MKLN1: variants seen among roughly 807,000 people sequenced by gnomAD.
The protein encoded by MKLN1 is muskelin.
In MKLN1, 18 loss-of-function variants were observed where a neutral mutation model predicts 99.0. The observed-to-expected ratio is 0.18, with a 90% CI of 0.13 to 0.27. The LOEUF is 0.27. MKLN1 is among the 10% of genes least tolerant of loss of function. The probability of loss-of-function intolerance (pLI) is 1.00; values close to 1 mark genes in which losing one functional copy is unlikely to be tolerated. For missense variants in MKLN1, 621 were observed against 875.9 expected, an observed-to-expected ratio of 0.71 and a Z score of 3.67; for synonymous variants, 288 against 293.2, an observed-to-expected ratio of 0.98 and a Z score of 0.18.
chr7:131,126,244 A>C (rs1261755540), intron 1 of MKLN1, among the ~76,000 whole-genome samples: 2 of 152,086 alleles, frequency 1.3e-5, no homozygotes, highest in Non-Finnish European at 2.9e-5. Flanking sequence ...CAGAAGGGCT[A>C]ATGACCAGAG....
chr7:131,157,314 C>A (rs1231569739), intron 2 of MKLN1, among the ~76,000 whole-genome samples: 2 of 152,190 alleles, frequency 1.3e-5, no homozygotes, highest in Non-Finnish European at 2.9e-5. Context: ...GGGAGGATCA[C>A]CTGAACCCAG....
chr7:131,356,031 G>C (rs1799867625), intron 1 of MKLN1, among the ~76,000 whole-genome samples: 1 of 149,392 alleles, frequency 6.7e-6, no homozygotes, highest in Non-Finnish European at 1.5e-5. Flanking sequence ...GTAATACAGA[G>C]AGTTTGTATA....
intron 12 of MKLN1, among the ~76,000 whole-genome samples, chr7:131,452,675 C>T (rs1424563165): frequency 4.6e-5 from 7 of 151,650 alleles, no homozygotes; most frequent in South Asian, 2.1e-4. Flanking sequence ...CTCAGCCTCC[C>T]GAATAGCTGG....
chr7:131,254,771 G>T (rs1797633620), intron 3 of MKLN1, among the ~76,000 whole-genome samples: 1 of 151,804 alleles, frequency 6.6e-6, no homozygotes, highest in Non-Finnish European at 1.5e-5. Context: ...AAAGAACGAA[G>T]AAATATGAAC....
chr7:131,140,506 A>G (rs1033044198), intron 1 of MKLN1, among the ~76,000 whole-genome samples: 7 of 152,042 alleles, frequency 4.6e-5, no homozygotes, highest in African/African-American at 1.4e-4. Flanking sequence ...TTCTCGCTCT[A>G]TTAGTTCACA....
intron 1 of MKLN1, among the ~76,000 whole-genome samples, chr7:131,335,733 T>G (rs567453966): frequency 6.6e-5 from 10 of 151,872 alleles, no homozygotes; most frequent in Middle Eastern, 3.4e-3. Context: ...GCTTACTTTT[T>G]GAACGTTTGG....
chr7:131,121,447 G>A (rs1285538292), intron 1 of MKLN1, among the ~76,000 whole-genome samples: 1 of 151,684 alleles, frequency 6.6e-6, no homozygotes, highest in Admixed American at 6.6e-5. Flanking sequence ...CTCCATCCTG[G>A]TGAACACGGT....
At chr7:131,148,569 G>T (rs1795846489) in intron 2 of MKLN1, among the ~76,000 whole-genome samples, 1 of 152,072 alleles carries the variant, frequency 6.6e-6, no homozygotes, top group Admixed American at 6.6e-5. Flanking sequence ...GAGCCCAGGG[G>T]TTTGAGACCA....
chr7:131,427,486 T>G (rs552951103), intron 8 of MKLN1, among the ~76,000 whole-genome samples: 1 of 152,312 alleles, frequency 6.6e-6, no homozygotes, highest in Non-Finnish European at 1.5e-5. Flanking sequence ...ATTGGTGGGC[T>G]TATACAACTG....
chr7:131,433,158 T>G (rs58271655), intron 9 of MKLN1, among the ~76,000 whole-genome samples: 1 of 152,292 alleles, frequency 6.6e-6, no homozygotes, highest in East Asian at 1.9e-4. Context: ...TTAGTCATCT[T>G]TAGTCTAGAA....
intron 3 of MKLN1, among the ~76,000 whole-genome samples, chr7:131,244,723 T>A (rs557143152): frequency 1.3e-5 from 2 of 152,258 alleles, no homozygotes; most frequent in African/African-American, 2.4e-5. Context: ...TCAAAAGGAC[T>A]TTGGTGGCCA....
At chr7:131,194,502 T>C (rs964075297) in intron 2 of MKLN1, among the ~76,000 whole-genome samples, 3 of 152,236 alleles carry the variant, frequency 2.0e-5, no homozygotes, top group South Asian at 2.1e-4. Context: ...CATTATTAGA[T>C]AGACAAGAAA....
intron 1 of MKLN1, among the ~76,000 whole-genome samples, chr7:131,111,846 T>C (rs572805511): frequency 1.4e-4 from 22 of 152,332 alleles, no homozygotes; most frequent in East Asian, 9.6e-4. Flanking sequence ...AGGCATAAAA[T>C]TGAATGGAAT....
At chr7:131,479,946 A>T (rs1365719596) in intron 17 of MKLN1, among the ~76,000 whole-genome samples, 1 of 149,488 alleles carries the variant, frequency 6.7e-6, no homozygotes, top group Non-Finnish European at 1.5e-5. Context: ...GCTTGAACCC[A>T]GGAGGGGGAG....
intron 3 of MKLN1, among the ~76,000 whole-genome samples, chr7:131,233,974 TTTTTA>T (rs571472514): frequency 2.6e-5 from 4 of 152,282 alleles, no homozygotes; most frequent in Admixed American, 1.3e-4. Flanking sequence ...TTTCCTTTTC[TTTTTA>T]TTTTATTTTA....
chr7:131,407,508 T>C (rs1432287208), intron 6 of MKLN1, among the ~76,000 whole-genome samples: 2 of 151,974 alleles, frequency 1.3e-5, no homozygotes, highest in Non-Finnish European at 2.9e-5. Context: ...GTGGTGAATT[T>C]TTCCTATTTT....
chr7:131,393,344 T>C (rs1318328531), intron 4 of MKLN1, among the ~76,000 whole-genome samples: 1 of 152,250 alleles, frequency 6.6e-6, no homozygotes, highest in African/African-American at 2.4e-5. Context: ...TTAGTATTGT[T>C]AATGCTACCA....
intron 17 of MKLN1, 132 bp downstream of exon 17, chr7:131,478,809 C>A: frequency 1.8e-6 from 2 of 1,123,446 alleles, no homozygotes; most frequent in Non-Finnish European, 1.3e-6. Flanking sequence ...TTCAAGGTAT[C>A]ATGCAAAATT....
chr7:131,216,762 T>A (rs1262195674), intron 3 of MKLN1, among the ~76,000 whole-genome samples: 3 of 152,182 alleles, frequency 2.0e-5, no homozygotes, highest in Non-Finnish European at 2.9e-5. Flanking sequence ...TGGAGATAAA[T>A]ACTATTTTCT....
Sources: gnomAD v4.1 joint callset for allele counts (sites outside exome capture counted in the v4.1 genomes callset) on GRCh38, gnomAD v4.1.1 for gene constraint, MANE v1.5 for transcripts, NCBI Gene and HGNC (gene_info 2026-07-23, HGNC 2026-07-21) for gene names.